Variants in RYR2 observed in about 807,000 individuals in gnomAD.
The protein encoded by RYR2 is cardiac muscle ryanodine receptor-calcium release channel.
A neutral mutation model predicts 601.1 loss-of-function variants in RYR2; 227 were observed. That is an observed-to-expected ratio of 0.38 (90% CI 0.34 to 0.42). RYR2 has a LOEUF of 0.42. Ranked by LOEUF, RYR2 falls within the 10% of genes least tolerant of loss-of-function variation. The probability of loss-of-function intolerance (pLI) is 1.00; values close to 1 mark genes in which losing one functional copy is unlikely to be tolerated. For missense variants in RYR2, 4,646 were observed against 6,156.5 expected (o/e 0.75, Z 8.21); for synonymous variants, 2,223 against 2,175.1 (o/e 1.02, Z -0.61).
chr1:237,400,585 G>A (rs1425457821), intron 10 of RYR2, among the ~76,000 whole-genome samples: 1 of 152,124 alleles, frequency 6.6e-6, no homozygotes, highest in Admixed American at 6.5e-5. Flanking sequence ...ATCCTGATGG[G>A]AGGGAGACTC....
In RYR2 at chr1:237,784,198, G is replaced by A; in HGVS notation, c.12486G>A (p.Lys4162=). The stretch of plus-strand genomic sequence containing the variant: ...AGTCCAGCCGAACCCAGTGGGAGAA[G>A]CCCCAGGTCAAGGAGTCCAAAAGAC... The part of the protein sequence containing the change: ...ISESSRTQWE[K]PQVKESKRQF... The change falls in exon 90 of 105, where the codon AAG becomes AAA. Residue 4162 remains lysine (K), a synonymous_variant. Transcript: ENST00000366574. The surrounding 1 kb of genome is among the most constrained non-coding windows in gnomAD (Gnocchi z 7.1). 4 of 1,613,990 alleles carry A rather than the reference G, an allele frequency of 2.5e-6. No homozygotes were observed. The highest frequency in any genetic ancestry group is 2.5e-6 in the Non-Finnish European group (3 of 1,179,884).
At chr1:237,053,600 C>G (rs10925300) in intron 1 of RYR2, among the ~76,000 whole-genome samples, 1 of 152,192 alleles carries the variant, frequency 6.6e-6, no homozygotes, top group Admixed American at 6.5e-5. Flanking sequence ...CGCCAGCGCC[C>G]GGTCTCTTCT....
chr1:237,496,830 T>A, intron 20 of RYR2, 78 bp downstream of exon 20: 1 of 1,501,322 alleles, frequency 6.7e-7, no homozygotes, highest in Admixed American at 2.0e-5. Flanking sequence ...TGGTGCTGCT[T>A]CCATTAGGTA....
chr1:237,681,722 A>G (rs1685901314), intron 62 of RYR2, among the ~76,000 whole-genome samples: 1 of 152,172 alleles, frequency 6.6e-6, no homozygotes, highest in African/African-American at 2.4e-5. Context: ...CCACTTGAAC[A>G]TGGCCTTCCT....
chr1:237,185,553 C>T (rs576151944), intron 1 of RYR2, among the ~76,000 whole-genome samples: 1 of 140,152 alleles, frequency 7.1e-6, no homozygotes, highest in East Asian at 1.9e-4. Context: ...ATCTCTGACT[C>T]TCTCTCGGTG....
intron 2 of RYR2, among the ~76,000 whole-genome samples, chr1:237,273,469 G>A (rs892092045): frequency 2.6e-5 from 4 of 152,148 alleles, no homozygotes; most frequent in African/African-American, 9.7e-5. Context: ...AAACCAAATT[G>A]CAGTACAGAC....
chr1:237,172,463 TA>T (rs1186514875), intron 1 of RYR2, among the ~76,000 whole-genome samples: 8 of 152,140 alleles, frequency 5.3e-5, no homozygotes, highest in Non-Finnish European at 8.8e-5. Flanking sequence ...GCTGATAATT[TA>T]AAAACGGCTA....
At chr1:237,388,459 A>G (rs184843940) in intron 10 of RYR2, among the ~76,000 whole-genome samples, 3 of 152,356 alleles carry the variant, frequency 2.0e-5, no homozygotes, top group Admixed American at 2.0e-4. Flanking sequence ...GAGTGACCAC[A>G]TTGCATTAAA....
chr1:237,494,622 T>A (rs1038717026), intron 19 of RYR2, among the ~76,000 whole-genome samples: 1 of 152,048 alleles, frequency 6.6e-6, no homozygotes, highest in African/African-American at 2.4e-5. Flanking sequence ...AACCATCACA[T>A]CCCTCAAATG....
chr1:237,828,909 G>C (rs1663457694), intron 102 of RYR2, among the ~76,000 whole-genome samples: 1 of 152,062 alleles, frequency 6.6e-6, no homozygotes, highest in African/African-American at 2.4e-5. Context: ...GGAGAGAGGA[G>C]GACAGTTTGG....
At chr1:237,306,294 C>G (rs755167491) in intron 2 of RYR2, among the ~76,000 whole-genome samples, 18 of 152,166 alleles carry the variant, frequency 1.2e-4, no homozygotes, top group Admixed American at 2.6e-4. Flanking sequence ...TAAAGGTAAT[C>G]TATGTGCCTG....
Position 237,064,751 on chromosome 1 carries a change from C to CT in RYR2, c.48+22213dup, listed in dbSNP as rs551797601. Among the ~76,000 whole-genome samples, 17 of 109,994 alleles carry CT rather than the reference C, an allele frequency of 1.5e-4. 2 individuals are homozygous for CT. The highest frequency in any genetic ancestry group is 6.8e-4 in the African/African-American group (17 of 24,878). The allele number at this position is 109,994 out of a possible 152,430, so 72.2% of individuals were successfully genotyped here. On this transcript the variant is annotated intron_variant, in intron 1 of 104. Coordinates refer to ENST00000366574, the MANE Select transcript of RYR2 (RefSeq NM_001035.3). ...GTTTTTTGTTTTTACTAGAACCTGT[C>CT]TTTTTTTTTTTTTTTTTTTTTTTTT...
chr1:237,557,540 G>A (rs1671028711), intron 27 of RYR2, among the ~76,000 whole-genome samples: 1 of 151,802 alleles, frequency 6.6e-6, no homozygotes, highest in Admixed American at 6.6e-5. Context: ...AGATCAAATA[G>A]AGGAGGCAGG....
chr1:237,235,872 G>A (rs1041789464), intron 1 of RYR2, among the ~76,000 whole-genome samples: 2 of 152,110 alleles, frequency 1.3e-5, no homozygotes, highest in Non-Finnish European at 2.9e-5. Flanking sequence ...TTACTGTGTC[G>A]TGCATATGTA....
intron 1 of RYR2, among the ~76,000 whole-genome samples, chr1:237,057,032 T>C (rs993892183): frequency 9.9e-5 from 15 of 152,152 alleles, no homozygotes; most frequent in African/African-American, 3.4e-4. Flanking sequence ...GGCACAAAGC[T>C]AGAAGTGTGG....
Position 237,500,705 on chromosome 1 carries a change from C to A in RYR2, c.2204-6C>A. 6.3e-7 allele frequency: 1 copy of A among 1,589,608 alleles called. No individual in the cohort carries two copies. ...ATGACCTTCCTTAATGTTTTCCCCC[C>A]AATAGGTTGTATTGCTCGTACTGTA... On this transcript the variant is annotated splice_region_variant and splice_polypyrimidine_tract_variant and intron_variant, in intron 20 of 104. Coordinates refer to ENST00000366574, the MANE Select transcript of RYR2 (RefSeq NM_001035.3).
At position 237,649,864 on chromosome 1, in the gene RYR2, G is replaced by C. The variant is rs1338880769; in HGVS notation, c.7513-13G>C. 1 of 1,611,428 alleles carries C rather than the reference G, an allele frequency of 6.2e-7. No individual in the cohort carries two copies. The highest frequency in any genetic ancestry group is 1.3e-5 in the African/African-American group (1 of 74,998). ...AAACACAAATGGCCTTCTACTCTCT[G>C]ATTCTTTTTCAGGCAGCTTTGAGTG... is the stretch of plus-strand genomic sequence containing the variant. On this transcript the variant is annotated splice_polypyrimidine_tract_variant and intron_variant, in intron 49 of 104. Transcript: ENST00000366574.
At chr1:237,291,908 A>G (rs957678449) in intron 2 of RYR2, among the ~76,000 whole-genome samples, 3 of 152,322 alleles carry the variant, frequency 2.0e-5, no homozygotes, top group Middle Eastern at 3.4e-3. Flanking sequence ...AGTGTAAACT[A>G]TAGTCTTTGG....
intron 1 of RYR2, among the ~76,000 whole-genome samples, chr1:237,174,012 T>C (rs969882744): frequency 6.6e-6 from 1 of 152,138 alleles, no homozygotes; most frequent in East Asian, 1.9e-4. Context: ...AGCCGAGATC[T>C]TGCCACTGCA....
Sources: allele counts gnomAD v4.1 joint callset (sites outside exome capture counted in the v4.1 genomes callset), GRCh38; gene constraint gnomAD v4.1.1; non-coding constraint Gnocchi (gnomAD v3.1); transcripts MANE v1.5; gene names NCBI Gene and HGNC (gene_info 2026-07-23, HGNC 2026-07-21).